Variants in CNN2 observed in about 807,000 individuals in gnomAD.
The protein encoded by CNN2 is calponin 2.
In CNN2, 21 loss-of-function variants were observed where a neutral mutation model predicts 31.0. The observed-to-expected ratio is 0.68, with a 90% CI of 0.48 to 0.98. The LOEUF is 0.98. CNN2 is among the 50% of genes least tolerant of loss of function. CNN2 has a pLI of 0.00. For missense variants in CNN2, 399 were observed against 427.3 expected, an observed-to-expected ratio of 0.93 and a Z score of 0.58; for synonymous variants, 165 against 179.6, an observed-to-expected ratio of 0.92 and a Z score of 0.65.
chr19:1,031,338 T>TTGGGGG (rs1555674878), intron 2 of CNN2, 146 bp downstream of exon 2: 1 of 33,998 alleles, frequency 2.9e-5, no homozygotes, highest in South Asian at 4.4e-4. Flanking sequence ...CCGAGGGTGG[T>TTGGGGG]GGCGGGGGGC....
chr19:1,031,137 C>T lies in CNN2; in HGVS notation c.130C>T (p.Leu44Phe). Residue 44 changes from leucine (L) to phenylalanine (F), a missense_variant, in exon 2 of 7, where the codon CTC becomes TTC. Physicochemically the swap from Leu to Phe is conservative, Grantham distance 22. Transcript: ENST00000263097. ...LRTWIEGLTG[L>F]SIGPDFQKGL... Reference sequence around the variant, plus strand: ...CACCTGGATCGAGGGACTCACCGGCCTCTCCATCGGCCCCGACTTCCAGAA... The same window carrying T: ...CACCTGGATCGAGGGACTCACCGGCTTCTCCATCGGCCCCGACTTCCAGAA... The T allele has an allele frequency of 6.2e-7, 1 of 1,613,378 alleles. No homozygotes were observed. Among genetic ancestry groups the T allele is most frequent in the Non-Finnish European group, 8.5e-7 (1 of 1,179,914 alleles).
chr19:1,031,076 G>T lies in CNN2; in HGVS notation c.69G>T (p.Leu23=), dbSNP rs372754481. 6 of 1,612,310 alleles carry T rather than the reference G, an allele frequency of 3.7e-6. No individual in the cohort carries two copies. Among genetic ancestry groups the T allele is most frequent in the Non-Finnish European group, 5.1e-6 (6 of 1,179,426 alleles). The change falls in exon 2 of 7, where the codon CTG becomes CTT. Residue 23 remains leucine (L), a synonymous_variant. Coordinates refer to ENST00000263097, the MANE Select transcript of CNN2 (RefSeq NM_004368.4). ...CGTGCCCTTTGCTCCACCAGCTCCTGTCCAAATATGACCCCCAGAAGGAGG... is the reference window on the plus strand; with the variant it reads ...CGTGCCCTTTGCTCCACCAGCTCCTTTCCAAATATGACCCCCAGAAGGAGG... ...GLSAEVKNRL[L]SKYDPQKEAE...
chr19:1,036,202 G>A lies in CNN2; in HGVS notation c.463G>A (p.Asp155Asn), dbSNP rs369249569. The change falls in exon 5 of 7, where the codon GAC becomes AAC. Residue 155 changes from aspartate (D) to asparagine (N), a missense_variant. Transcript: ENST00000263097. ...CTCGGAGAAGCAGGAGCGGAATTTC[G>A]ACGATGCCACCATGAAGGCTGGCCA... ...KYSEKQERNF[D>N]DATMKAGQCV... The A allele has an allele frequency of 7.1e-5, 111 of 1,557,538 alleles. 2 individuals carry two copies. In the South Asian group the frequency reaches 7.7e-4, roughly 11 times the overall value.
intron 4 of CNN2, 71 bp from the exon 5 acceptor site, chr19:1,036,059 G>A (rs749645862): frequency 3.8e-5 from 57 of 1,499,522 alleles, no homozygotes; most frequent in Non-Finnish European, 4.7e-5. Context: ...TCTCTGTCCC[G>A]CCCCCAGGGC....
chr19:1,035,917 A>T, intron 4 of CNN2: 49 of 517,980 alleles, frequency 9.5e-5, no homozygotes, highest in South Asian at 1.4e-4. Flanking sequence ...GCCAGACTCC[A>T]TCTCAAAAAT....
intron 1 of CNN2, 140 bp downstream of exon 1, chr19:1,026,864 A>G: frequency 1.3e-6 from 1 of 766,518 alleles, no homozygotes; most frequent in Non-Finnish European, 2.0e-6. Flanking sequence ...GTTCTCCCTG[A>G]CGCCTGGTGG....
At position 1,032,285 on chromosome 19, in the gene CNN2, G is replaced by A. The variant is rs564169137; in HGVS notation, c.186-107G>A. 2,428 of 1,328,726 alleles carry A rather than the reference G, an allele frequency of 1.8e-3. 6 individuals carry two copies. Among genetic ancestry groups the A allele is most frequent in the Non-Finnish European group, 2.1e-3 (1,937 of 938,110 alleles). 82.3% of individuals were successfully genotyped at this position (1,328,726 alleles called of 1,614,324 possible). ...ACTGAGGCCCAGAGAGAGGCCGTGA[G>A]TTTGCCCAGGAAGGCGTGAGCTTGG... On this transcript the variant is annotated intron_variant, in intron 2 of 6. Transcript: ENST00000263097.
At chr19:1,032,791 A>G (rs1192210663) in intron 4 of CNN2, 95 bp downstream of exon 4, 2 of 1,007,826 alleles carry the variant, frequency 2.0e-6, no homozygotes, top group Non-Finnish European at 1.5e-6. Flanking sequence ...CTGTTTGTTT[A>G]TTTTTGAGTC....
At chr19:1,036,657 C>T in intron 6 of CNN2, 95 bp downstream of exon 6, 2 of 1,482,200 alleles carry the variant, frequency 1.3e-6, no homozygotes, top group Non-Finnish European at 1.9e-6. Flanking sequence ...CTTCTCTCCC[C>T]ACTCTCAGTC....
intron 1 of CNN2, among the ~76,000 whole-genome samples, chr19:1,030,521 G>T (rs1658519884): frequency 6.6e-6 from 1 of 152,170 alleles, no homozygotes; most frequent in Admixed American, 6.5e-5. Flanking sequence ...AGCTACTCGG[G>T]AGGCTGAGGC....
intron 1 of CNN2, among the ~76,000 whole-genome samples, chr19:1,030,348 C>T (rs910910407): frequency 6.6e-6 from 1 of 152,142 alleles, no homozygotes; most frequent in African/African-American, 2.4e-5. Flanking sequence ...GGATGGGGGC[C>T]GGGCGCGGTG....
chr19:1,030,957 G>C (rs7256075), intron 1 of CNN2, 114 bp from the exon 2 acceptor site: 1,152,376 of 1,333,446 alleles, frequency 0.86, 498,749 homozygotes, highest in East Asian at 1. Flanking sequence ...CCTCCAGGCC[G>C]CTCTATCTGC....
chr19:1,036,643 C>A, intron 6 of CNN2, 81 bp downstream of exon 6: 2 of 1,547,678 alleles, frequency 1.3e-6, no homozygotes, highest in South Asian at 1.1e-5. Context: ...GGGGCCACCT[C>A]CAGCTTCTCT....
chr19:1,037,552 G>A (rs113353568), intron 6 of CNN2, 73 bp from the exon 7 acceptor site: 271,786 of 1,556,614 alleles, frequency 0.17, 25,091 homozygotes, highest in Non-Finnish European at 0.19. Context: ...GATTACAGGC[G>A]TGAGCCAGTG....
intron 6 of CNN2, chr19:1,036,907 G>T (rs768866640): frequency 2.5e-5 from 9 of 364,234 alleles, no homozygotes; most frequent in South Asian, 1.6e-4. Flanking sequence ...AGGCTGGAGT[G>T]CAGTGGCACG....
intron 6 of CNN2, chr19:1,037,241 G>A (rs2039605557): frequency 4.5e-6 from 1 of 224,496 alleles, no homozygotes; most frequent in Non-Finnish European, 9.1e-6. Flanking sequence ...GACCTCAGGT[G>A]ATCCTCCCAC....
At position 1,037,886 on chromosome 19, in the gene CNN2, G is replaced by A; in HGVS notation, c.916G>A (p.Glu306Lys). Residue 306 changes from glutamate to lysine, a missense_variant, in exon 7 of 7, where the codon GAG becomes AAG. Physicochemically the swap from Glu to Lys is moderately conservative, Grantham distance 56. Coordinates refer to ENST00000263097, the MANE Select transcript of CNN2 (RefSeq NM_004368.4). Reference protein sequence around the residue: ...VPEYPPYYQEEAGY With the variant: ...VPEYPPYYQEKAGY Reference sequence around the variant, plus strand: ...TGAATATCCCCCTTACTACCAGGAGGAGGCCGGCTACTGAGGCTCCCAGCA... The same window carrying A: ...TGAATATCCCCCTTACTACCAGGAGAAGGCCGGCTACTGAGGCTCCCAGCA... The A allele has an allele frequency of 6.3e-7, 1 of 1,581,670 alleles. No individual in the cohort carries two copies. The highest frequency in any genetic ancestry group is 2.3e-5 in the East Asian group (1 of 44,292).
chr19:1,029,589 A>C lies in CNN2; in HGVS notation c.64-1482A>C, dbSNP rs2637108. On this transcript the variant is annotated intron_variant, in intron 1 of 6. Coordinates refer to ENST00000263097, the MANE Select transcript of CNN2 (RefSeq NM_004368.4). ...CAGGTCAGGGGACCCTAACCCAAAT[A>C]ATCCCAGGAAGAGATGAGGAAGCGG... is the stretch of plus-strand genomic sequence containing the variant. Among the ~76,000 whole-genome samples, 75 of 150,932 alleles carry C rather than the reference A, an allele frequency of 5.0e-4. 1 individual carries two copies. The highest frequency in any genetic ancestry group is 2.0e-3 in the East Asian group (10 of 5,124).
chr19:1,036,635 G>T (rs1448629770), intron 6 of CNN2, 73 bp downstream of exon 6: 1 of 1,581,196 alleles, frequency 6.3e-7, no homozygotes, highest in Non-Finnish European at 8.7e-7. Context: ...CCCTCCCTGG[G>T]GCCACCTCCA....
Sources: allele counts gnomAD v4.1 joint callset (sites outside exome capture counted in the v4.1 genomes callset), GRCh38; gene constraint gnomAD v4.1.1; transcripts MANE v1.5; gene names NCBI Gene and HGNC (gene_info 2026-07-23, HGNC 2026-07-21).